Variants in DOCK8 observed in about 807,000 individuals in gnomAD.
The protein encoded by DOCK8 is dedicator of cytokinesis protein 8.
A neutral mutation model predicts 245.6 loss-of-function variants in DOCK8; 141 were observed. The observed-to-expected ratio is 0.57, with a 90% CI of 0.50 to 0.66. The LOEUF (loss-of-function observed/expected upper bound fraction) is 0.66. Among genes scored for constraint, DOCK8 ranks in the 30% least tolerant of loss-of-function variants. DOCK8 has a pLI of 0.00. For missense variants in DOCK8, 2,965 were observed against 2,603.4 expected (o/e 1.14, Z -3.02); for synonymous variants, 1,168 against 970.2 (o/e 1.20, Z -3.79).
intron 14 of DOCK8, among the ~76,000 whole-genome samples, chr9:362,021 A>C (rs1305244793): frequency 6.6e-6 from 1 of 152,160 alleles, no homozygotes; most frequent in African/African-American, 2.4e-5. Context: ...GGGTTGTTCG[A>C]CCTTGAACAA....
rs769372275 is a variant in DOCK8, at chr9:446,597, G to C, written c.5808G>C (p.Gln1936His). Residue 1936 changes from glutamine (Q) to histidine (H), a missense_variant, in exon 44 of 48, where the codon CAG becomes CAC. Around this residue, in one of 3 missense-constraint regions of DOCK8, gnomAD observed 2,825 missense variants for 2,453.5 expected, o/e 1.15. Coordinates refer to ENST00000432829, the MANE Select transcript of DOCK8 (RefSeq NM_203447.4). Reference protein sequence around the residue: ...PYIKTRISVIQKEEFVLTPIE... With the variant: ...PYIKTRISVIHKEEFVLTPIE... ...TCAAGACCAGGATCAGCGTCATCCA[G>C]AAGGAGGAGGTAATGCACCCAAGGG... 1.2e-6 allele frequency: 2 copies of C among 1,614,182 alleles called. No homozygotes were observed. Among genetic ancestry groups the C allele is most frequent in the Non-Finnish European group, 1.7e-6 (2 of 1,180,004 alleles).
intron 1 of DOCK8, among the ~76,000 whole-genome samples, chr9:239,450 A>G (rs1006562876): frequency 6.6e-6 from 1 of 152,238 alleles, no homozygotes; most frequent in African/African-American, 2.4e-5. Context: ...AATGTATGCA[A>G]TATGATCACC....
At chr9:411,034 T>C (rs763290868) in intron 28 of DOCK8, among the ~76,000 whole-genome samples, 8 of 152,194 alleles carry the variant, frequency 5.3e-5, no homozygotes, top group Non-Finnish European at 8.8e-5. Flanking sequence ...CAAGAAGATA[T>C]AGAAAATCCA....
chr9:420,859 G>T, intron 31 of DOCK8, 90 bp from the exon 32 acceptor site: 1 of 1,550,326 alleles, frequency 6.5e-7, no homozygotes, highest in South Asian at 1.1e-5. Context: ...AACTTAGCTG[G>T]CATCACTGTG....
At chr9:220,192 C>A (rs2046850905) in intron 1 of DOCK8, among the ~76,000 whole-genome samples, 1 of 152,140 alleles carries the variant, frequency 6.6e-6, no homozygotes, top group African/African-American at 2.4e-5. Context: ...AATTTTTGGC[C>A]TTTCACATTT....
rs1277476365 is a variant in DOCK8, at chr9:463,692, G to C, written c.6239+5G>C. ...CAGAGTTGAGAGTCAAAAGAGGTAA[G>C]AACAGGGCAGAGGAGGCCTCTTCCT... On this transcript the variant is annotated splice_donor_5th_base_variant and intron_variant, in intron 47 of 47. Coordinates refer to ENST00000432829, the MANE Select transcript of DOCK8 (RefSeq NM_203447.4). The C allele has an allele frequency of 1.2e-6, 2 of 1,613,756 alleles. No homozygotes were observed. The highest frequency in any genetic ancestry group is 3.3e-5 in the Admixed American group (2 of 60,028).
chr9:437,374 C>T (rs77349472), intron 39 of DOCK8, among the ~76,000 whole-genome samples: 2,818 of 152,284 alleles, frequency 0.019, 75 homozygotes, highest in African/African-American at 0.064. Flanking sequence ...AGAGATGCCT[C>T]CTTTCTAGCA....
At chr9:396,232 T>C (rs10973946) in intron 24 of DOCK8, among the ~76,000 whole-genome samples, 94,403 of 152,032 alleles carry the variant, frequency 0.62, 30,203 homozygotes, top group African/African-American at 0.77. Flanking sequence ...CTAAAATTTA[T>C]AGGAGCAGAA....
At position 267,883 on chromosome 9, in the gene DOCK8, A is replaced by G. The variant is rs556893164; in HGVS notation, c.54-3744A>G. 157 of 152,324 alleles carry G rather than the reference A, an allele frequency of 1.0e-3. 1 individual carries two copies. The highest frequency in any genetic ancestry group is 3.5e-3 in the African/African-American group (146 of 41,576). 9.4% of individuals were successfully genotyped at this position (152,324 alleles called of 1,614,324 possible). On this transcript the variant is annotated intron_variant, in intron 1 of 47. Transcript: ENST00000432829. ...CTTATGTTCATTTCTGCTCAAAATT[A>G]TATTTTTGTTTGTATGAATTCCACG... is the stretch of plus-strand genomic sequence containing the variant.
intron 43 of DOCK8, among the ~76,000 whole-genome samples, chr9:445,346 T>G (rs182997633): frequency 2.2e-4 from 34 of 152,354 alleles, no homozygotes; most frequent in African/African-American, 7.5e-4. Flanking sequence ...ATTTACAGTC[T>G]GAGGTCAGTG....
chr9:425,483 G>C (rs2056454968), intron 33 of DOCK8, among the ~76,000 whole-genome samples: 1 of 145,430 alleles, frequency 6.9e-6, no homozygotes, highest in Non-Finnish European at 1.5e-5. Flanking sequence ...GGTGAGCCAA[G>C]ATTGCGCCAC....
At chr9:287,911 T>C (rs2048887578) in intron 3 of DOCK8, among the ~76,000 whole-genome samples, 1 of 152,128 alleles carries the variant, frequency 6.6e-6, no homozygotes, top group East Asian at 1.9e-4. Flanking sequence ...CCGCAGCTTG[T>C]TCCTGTGGTC....
chr9:433,128 C>G (rs1169117807), intron 37 of DOCK8, among the ~76,000 whole-genome samples: 1 of 152,230 alleles, frequency 6.6e-6, no homozygotes, highest in Non-Finnish European at 1.5e-5. Context: ...CAAATCGTTC[C>G]TCTCTCATTT....
chr9:400,199 T>G (rs374717738), intron 26 of DOCK8, among the ~76,000 whole-genome samples: 1 of 34,664 alleles, frequency 2.9e-5, no homozygotes, highest in Non-Finnish European at 6.0e-5. Context: ...ACCATCACCA[T>G]CACCACCACC....
intron 22 of DOCK8, among the ~76,000 whole-genome samples, chr9:386,108 C>A (rs112604815): frequency 6.6e-6 from 1 of 152,156 alleles, no homozygotes; most frequent in African/African-American, 2.4e-5. Flanking sequence ...CTGTAGGTTG[C>A]TACACACAAA....
intron 1 of DOCK8, among the ~76,000 whole-genome samples, chr9:270,140 C>T (rs1032020060): frequency 6.6e-6 from 1 of 152,214 alleles, no homozygotes; most frequent in African/African-American, 2.4e-5. Context: ...TAGTAGAATA[C>T]TTACTTCCTA....
chr9:273,953 G>C (rs913818173), intron 2 of DOCK8, among the ~76,000 whole-genome samples: 1 of 152,102 alleles, frequency 6.6e-6, no homozygotes. Context: ...TGATCCGCCC[G>C]CCTAGGCCTC....
At chr9:340,689 GA>G (rs1227732335) in intron 14 of DOCK8, 1 of 200,618 alleles carries the variant, frequency 5.0e-6, no homozygotes, top group Admixed American at 5.4e-5. Flanking sequence ...AGTTTTATTT[GA>G]ATAACGTTTT....
intron 25 of DOCK8, 63 bp downstream of exon 25, chr9:396,997 T>A (rs2054493712): frequency 6.6e-7 from 1 of 1,518,288 alleles, no homozygotes; most frequent in African/African-American, 1.4e-5. Context: ...ACTTTCATAA[T>A]CAGAGAAAAA....
Sources: allele counts gnomAD v4.1 joint callset (sites outside exome capture counted in the v4.1 genomes callset), GRCh38; gene constraint gnomAD v4.1.1; regional missense constraint gnomAD v4.1.1; transcripts MANE v1.5; gene names NCBI Gene and HGNC (gene_info 2026-07-23, HGNC 2026-07-21).